P2RX7: variants seen among roughly 807,000 people sequenced by gnomAD.
P2RX7 encodes purinergic receptor P2X 7.
A neutral mutation model predicts 71.6 loss-of-function variants in P2RX7; 62 were observed. The observed-to-expected ratio is 0.87, with a 90% CI of 0.71 to 1.07. The LOEUF (loss-of-function observed/expected upper bound fraction) is 1.07. Among genes scored for constraint, P2RX7 ranks in the 50% least tolerant of loss-of-function variants. P2RX7 has a pLI of 0.00. For synonymous variants in P2RX7, 299 were observed against 283.3 expected (o/e 1.06, Z -0.56); for missense variants, 686 against 748.5 (o/e 0.92, Z 0.97).
chr12:121,159,323 A>C (rs551636471), intron 3 of P2RX7, among the ~76,000 whole-genome samples: 1 of 148,978 alleles, frequency 6.7e-6, no homozygotes, highest in East Asian at 2.1e-4. Context: ...AGGCTGAGGC[A>C]GGAGAATTGC....
At position 121,156,191 on chromosome 12, in the gene P2RX7, C is replaced by T. The variant is rs200996190; in HGVS notation, c.363+44C>T. ...GTGGTGGGTCAGGTCTTAAGAGTTC[C>T]TGGGGGAGGTGCAAGTCGGAAGAAG... On this transcript the variant is annotated intron_variant, in intron 3 of 12. Coordinates refer to ENST00000328963, the MANE Select transcript of P2RX7 (RefSeq NM_002562.6). 2.6e-6 allele frequency: 4 copies of T among 1,518,834 alleles called. No homozygotes were observed. In the African/African-American group the frequency reaches 4.1e-5, roughly 16 times the overall value. 94.1% of individuals were successfully genotyped at this position (1,518,834 alleles called of 1,614,324 possible).
rs1879551359 is a variant in P2RX7, at chr12:121,160,967, G to C, written c.429G>C (p.Gln143His). Residue 143 changes from glutamine (Q) to histidine (H), a missense_variant, in exon 4 of 13, where the codon CAG (glutamine) becomes CAC (histidine). Coordinates refer to ENST00000328963, the MANE Select transcript of P2RX7 (RefSeq NM_002562.6). ...GTAAAAAGGGATGGATGGACCCGCA[G>C]AGCAAAGGTACCTTCTGTTTCTTTT... ...RGCKKGWMDPQSKGIQTGRCV... is the reference protein window; with the variant it reads ...RGCKKGWMDPHSKGIQTGRCV... 1 of 1,613,300 alleles carries C rather than the reference G, an allele frequency of 6.2e-7. No homozygotes were observed. The highest frequency in any genetic ancestry group is 8.5e-7 in the Non-Finnish European group (1 of 1,179,312).
rs200356113 is a variant in P2RX7, at chr12:121,156,084, C to T, written c.300C>T (p.Asn100=). Residue 100 remains asparagine, a synonymous_variant, in exon 3 of 13, where the codon AAC becomes AAT. Transcript: ENST00000328963. The part of the protein sequence containing the change: ...TADYTFPLQG[N]SFFVMTNFLK... The stretch of plus-strand genomic sequence containing the variant: ...TAGCCTCTCCTTCTCCACAGGGGAA[C>T]TCTTTCTTCGTGATGACAAACTTTC... 2.2e-5 allele frequency: 35 copies of T among 1,613,866 alleles called. No homozygotes were observed. Among genetic ancestry groups the T allele is most frequent in the Non-Finnish European group, 2.9e-5 (34 of 1,179,850 alleles).
chr12:121,147,593 GT>G (rs201472363), intron 1 of P2RX7, among the ~76,000 whole-genome samples: 4 of 116,236 alleles, frequency 3.4e-5, no homozygotes, highest in Non-Finnish European at 6.5e-5. Flanking sequence ...AAAATGGGCA[GT>G]TTTTTTTGTT....
At chr12:121,152,411 C>T (rs771358012) in intron 1 of P2RX7, among the ~76,000 whole-genome samples, 11 of 152,218 alleles carry the variant, frequency 7.2e-5, no homozygotes, top group Non-Finnish European at 1.5e-4. Context: ...TTACTATAGC[C>T]TTGACCTCCC....
Position 121,154,183 on chromosome 12 carries a change from G to C in P2RX7, c.126-602G>C, listed in dbSNP as rs149037578. On this transcript the variant is annotated intron_variant, in intron 1 of 12. Coordinates refer to ENST00000328963, the MANE Select transcript of P2RX7 (RefSeq NM_002562.6). The surrounding 1 kb of genome is among the most constrained non-coding windows in gnomAD (Gnocchi z 4.2). ...CTCACACCTGTAATCCCAGCTACTT[G>C]GGAGGCTGAGGCAGGAGAATCACTT... Among the ~76,000 whole-genome samples the C allele has an allele frequency of 5.4e-3, 821 of 152,018 alleles. 12 individuals are homozygous for C. The highest frequency in any genetic ancestry group is 6.8e-3 in the Non-Finnish European group (460 of 67,944).
intron 1 of P2RX7, among the ~76,000 whole-genome samples, chr12:121,133,738 C>A (rs959620772): frequency 3.9e-5 from 6 of 152,332 alleles, no homozygotes; most frequent in Admixed American, 3.3e-4. Flanking sequence ...CACTGTTCCT[C>A]CTCCTTCCCA....
intron 8 of P2RX7, 25 bp downstream of exon 8, chr12:121,167,649 T>C (rs201792343): frequency 6.7e-6 from 10 of 1,501,930 alleles, no homozygotes; most frequent in African/African-American, 2.8e-5. Flanking sequence ...CAGGTCAAAC[T>C]CACCCAGTGG....
chr12:121,153,204 G>A (rs1334329868), intron 1 of P2RX7, among the ~76,000 whole-genome samples: 1 of 152,334 alleles, frequency 6.6e-6, no homozygotes, highest in East Asian at 1.9e-4. Flanking sequence ...CTCCCTGGGT[G>A]ATTACACAGC....
chr12:121,166,296 AC>A, intron 7 of P2RX7, 109 bp downstream of exon 7: 1 of 1,207,134 alleles, frequency 8.3e-7, no homozygotes, highest in Non-Finnish European at 1.2e-6. Context: ...GCTCACATTT[AC>A]TGAGCATTTA....
chr12:121,144,183 A>G (rs1352781855), intron 1 of P2RX7, among the ~76,000 whole-genome samples: 1 of 152,206 alleles, frequency 6.6e-6, no homozygotes, highest in Non-Finnish European at 1.5e-5. Context: ...AACCCTGCCC[A>G]ATAGAATACT....
intron 3 of P2RX7, among the ~76,000 whole-genome samples, chr12:121,160,595 T>A (rs1879470836): frequency 6.6e-6 from 1 of 152,224 alleles, no homozygotes; most frequent in South Asian, 2.1e-4. Flanking sequence ...TAGAATTGTA[T>A]ATGGTGTGGC....
At chr12:121,157,887 T>C (rs1270622448) in intron 3 of P2RX7, among the ~76,000 whole-genome samples, 2 of 152,176 alleles carry the variant, frequency 1.3e-5, no homozygotes, top group Non-Finnish European at 2.9e-5. Flanking sequence ...AAACAAGGCA[T>C]GGTACATTAT....
intron 3 of P2RX7, among the ~76,000 whole-genome samples, chr12:121,160,304 C>T (rs1233005776): frequency 1.3e-5 from 2 of 152,102 alleles, no homozygotes; most frequent in African/African-American, 2.4e-5. Context: ...CACACCACCA[C>T]ATCTGATAAT....
chr12:121,145,356 A>G (rs1318967203), intron 1 of P2RX7, among the ~76,000 whole-genome samples: 1 of 152,084 alleles, frequency 6.6e-6, no homozygotes, highest in Non-Finnish European at 1.5e-5. Context: ...TGGTGTATCT[A>G]TTGGATTTAG....
intron 12 of P2RX7, 127 bp from the exon 13 acceptor site, chr12:121,184,178 C>A: frequency 8.6e-7 from 1 of 1,157,404 alleles, no homozygotes; most frequent in East Asian, 2.6e-5. Context: ...CTGATATCTA[C>A]ACCTAATAAA....
At chr12:121,165,241 C>A (rs1880758227) in intron 5 of P2RX7, 116 bp from the exon 6 acceptor site, 2 of 744,734 alleles carry the variant, frequency 2.7e-6, no homozygotes, top group Non-Finnish European at 4.7e-6. Flanking sequence ...GTATCCATTT[C>A]TCTTCATGTA....
chr12:121,156,213 G>T, intron 3 of P2RX7, 66 bp downstream of exon 3: 1 of 1,353,056 alleles, frequency 7.4e-7, no homozygotes, highest in Non-Finnish European at 1.1e-6. Context: ...CAAGTCGGAA[G>T]AAGCAGAAAT....
intron 4 of P2RX7, 73 bp from the exon 5 acceptor site, chr12:121,162,351 A>G: frequency 6.3e-7 from 1 of 1,582,132 alleles, no homozygotes; most frequent in Non-Finnish European, 8.6e-7. Flanking sequence ...TGAGTTAATG[A>G]TGTCCCTCCT....
Sources: gnomAD v4.1 joint callset for allele counts (sites outside exome capture counted in the v4.1 genomes callset) on GRCh38, gnomAD v4.1.1 for gene constraint, Gnocchi (gnomAD v3.1) non-coding constraint, MANE v1.5 for transcripts, NCBI Gene and HGNC (gene_info 2026-07-23, HGNC 2026-07-21) for gene names.